Variants in RABL6 observed in about 807,000 individuals in gnomAD.
RABL6 encodes the protein RAB, member RAS oncogene family like 6.
In RABL6, 28 loss-of-function variants were observed where a neutral mutation model predicts 72.9. That is an observed-to-expected ratio of 0.38 (90% CI 0.28 to 0.53). RABL6 has a LOEUF of 0.53. Among genes scored for constraint, RABL6 ranks in the 20% least tolerant of loss-of-function variants. The pLI is 0.80. For missense variants in RABL6, 1,029 were observed against 1,008.4 expected, an observed-to-expected ratio of 1.02 and a Z score of -0.28; for synonymous variants, 477 against 421.2, an observed-to-expected ratio of 1.13 and a Z score of -1.62.
At chr9:136,840,018 G>A in intron 13 of RABL6, 136 bp from the exon 14 acceptor site, 3 of 1,477,598 alleles carry the variant, frequency 2.0e-6, no homozygotes, top group South Asian at 2.3e-5. Context: ...GATGTTTGCA[G>A]TGTGGTCCTG....
chr9:136,824,661 CAAA>C (rs560659208), intron 2 of RABL6, among the ~76,000 whole-genome samples: 1 of 137,716 alleles, frequency 7.3e-6, no homozygotes, highest in African/African-American at 2.7e-5. Flanking sequence ...CTTTTCACTG[CAAA>C]AAAAAAAAAA....
At chr9:136,820,640 G>C (rs1848217591) in intron 1 of RABL6, among the ~76,000 whole-genome samples, 1 of 152,070 alleles carries the variant, frequency 6.6e-6, no homozygotes, top group South Asian at 2.1e-4. Context: ...CAAAGTGCTG[G>C]GATTAGAGGC....
Position 136,840,166 on chromosome 9 carries a change from A to C in RABL6, c.1943A>C (p.Lys648Thr). 6.2e-7 allele frequency: 1 copy of C among 1,612,940 alleles called. No individual in the cohort carries two copies. Among genetic ancestry groups the C allele is most frequent in the African/African-American group, 1.3e-5 (1 of 75,002 alleles). ...KESSEEGKEG[K>T]TPSKEKKKKK... ...CCTGTCTGTGCAGGTAAGGAGGGCA[A>C]AACCCCCTCTAAGGAGAAGAAGAAG... Residue 648 changes from lysine (K) to threonine (T), a missense_variant, in exon 14 of 15, where the codon AAA (lysine) becomes ACA (threonine). Coordinates refer to ENST00000311502, the MANE Select transcript of RABL6 (RefSeq NM_024718.5).
At chr9:136,817,241 G>A (rs1848138209) in intron 1 of RABL6, among the ~76,000 whole-genome samples, 1 of 152,166 alleles carries the variant, frequency 6.6e-6, no homozygotes, top group African/African-American at 2.4e-5. Flanking sequence ...GCCAGCCCAT[G>A]TCCAGTACAA....
chr9:136,829,373 C>T lies in RABL6; in HGVS notation c.367-20C>T, dbSNP rs756372491. 5.2e-6 allele frequency: 8 copies of T among 1,552,330 alleles called. No homozygotes were observed. In the South Asian group the frequency reaches 8.3e-5, roughly 16 times the overall value. ...GGCCCAGCCTGGGCCAGTCTCACAC[C>T]TGTTCCCTCCTGTCCCCAGGCGGAG... On this transcript the variant is annotated intron_variant, in intron 4 of 14. Coordinates refer to ENST00000311502, the MANE Select transcript of RABL6 (RefSeq NM_024718.5).
intron 7 of RABL6, chr9:136,833,478 C>A (rs568209364): frequency 3.5e-5 from 19 of 541,514 alleles, no homozygotes; most frequent in African/African-American, 2.9e-4. Context: ...TCGCCCTGGG[C>A]TGCCCCGCCT....
At chr9:136,834,488 C>T in intron 7 of RABL6, 1 of 975,570 alleles carries the variant, frequency 1.0e-6, no homozygotes, top group Non-Finnish European at 1.2e-6. Flanking sequence ...CTTTAATACA[C>T]TCTTTTTTTT....
chr9:136,823,018 G>A (rs1334905481), intron 1 of RABL6, among the ~76,000 whole-genome samples: 3 of 151,958 alleles, frequency 2.0e-5, no homozygotes, highest in Non-Finnish European at 2.9e-5. Context: ...AACCCGGGAG[G>A]TGGAGCTTGC....
Position 136,838,924 on chromosome 9 carries a change from G to C in RABL6, c.1296G>C (p.Leu432=), listed in dbSNP as rs747737342. The C allele has an allele frequency of 6.3e-7, 1 of 1,598,974 alleles. No homozygotes were observed. Among genetic ancestry groups the C allele is most frequent in the South Asian group, 1.1e-5 (1 of 89,410 alleles). ...TGCTTTGCAGTGATGGGGAGGCCCT[G>C]GGCGGCAACCCGATGGTGGCAGGGT... is the stretch of plus-strand genomic sequence containing the variant. The part of the protein sequence containing the change: ...QQDSDSDGEA[L]GGNPMVAGFQ... The change falls in exon 11 of 15, where the codon CTG becomes CTC. Residue 432 remains leucine, a synonymous_variant. Transcript: ENST00000311502.
chr9:136,839,003 G>T lies in RABL6; in HGVS notation c.1375G>T (p.Ala459Ser), dbSNP rs1848635176. ...DQPRGSPPLP[A>S]GPVPSQDITL... ...GCCACGTGGGAGTCCCCCGCTGCCT[G>T]CAGGCCCCGTCCCCAGTCAAGACAT... Residue 459 changes from alanine to serine, a missense_variant, in exon 11 of 15, where the codon GCA becomes TCA. Physicochemically the swap from Ala to Ser is moderately conservative, Grantham distance 99 (BLOSUM62 1). Around this residue, in one of 2 missense-constraint regions of RABL6, gnomAD observed 595 missense variants for 472.4 expected, o/e 1.26. Coordinates refer to ENST00000311502, the MANE Select transcript of RABL6 (RefSeq NM_024718.5). 1 of 1,612,120 alleles carries T rather than the reference G, an allele frequency of 6.2e-7. No individual in the cohort carries two copies. The highest frequency in any genetic ancestry group is 1.1e-5 in the South Asian group (1 of 91,026).
At chr9:136,837,757 G>A in intron 9 of RABL6, 95 bp downstream of exon 9, 6 of 1,543,434 alleles carry the variant, frequency 3.9e-6, no homozygotes, top group Non-Finnish European at 5.3e-6. Flanking sequence ...GCTTCTTCCT[G>A]CTTGTCCCAG....
rs770132922 is a variant in RABL6, at chr9:136,828,557, G to A, written c.366+11G>A. 1.2e-6 allele frequency: 2 copies of A among 1,612,992 alleles called. No homozygotes were observed. The highest frequency in any genetic ancestry group is 3.3e-5 in the Admixed American group (2 of 60,006). On this transcript the variant is annotated intron_variant, in intron 4 of 14. Coordinates refer to ENST00000311502, the MANE Select transcript of RABL6 (RefSeq NM_024718.5). ...AACGACCCCCAGGAGGTGAGTGCCA[G>A]GTACACAGTGGGTAGCAGTGGCTCA...
At chr9:136,819,324 GAAAA>G (rs57726746) in intron 1 of RABL6, among the ~76,000 whole-genome samples, 2 of 58,936 alleles carry the variant, frequency 3.4e-5, no homozygotes, top group East Asian at 3.8e-4. Flanking sequence ...TCCGTCTCAA[GAAAA>G]AAAAAAAAAA....
chr9:136,812,795 G>C (rs1347220916), intron 1 of RABL6: 2 of 367,674 alleles, frequency 5.4e-6, no homozygotes, highest in African/African-American at 2.1e-5. Context: ...TTCAAACTTT[G>C]TCTTCTTTCC....
At chr9:136,810,822 T>C (rs1036174393) in intron 1 of RABL6, among the ~76,000 whole-genome samples, 3 of 152,216 alleles carry the variant, frequency 2.0e-5, no homozygotes, top group African/African-American at 7.2e-5. Context: ...ATTACAGGCG[T>C]AAGCCACCAT....
At chr9:136,808,420 T>A in intron 1 of RABL6, 94 bp downstream of exon 1, 1 of 1,257,090 alleles carries the variant, frequency 8.0e-7, no homozygotes, top group Non-Finnish European at 1.0e-6. Flanking sequence ...CGGTCTCACC[T>A]GCTTGCCGGT....
intron 6 of RABL6, 36 bp downstream of exon 6, chr9:136,831,897 C>A: frequency 6.3e-7 from 1 of 1,577,488 alleles, no homozygotes; most frequent in South Asian, 1.1e-5. Flanking sequence ...GGGACCCTGC[C>A]CGGTGCTCCG....
intron 1 of RABL6, among the ~76,000 whole-genome samples, chr9:136,822,974 G>C (rs1045949878): frequency 4.6e-5 from 7 of 151,974 alleles, no homozygotes; most frequent in Admixed American, 6.6e-5. Context: ...TGTAGTCCCA[G>C]CTACTCGGGA....
In RABL6 at chr9:136,808,142, C is replaced by T; in HGVS notation, c.-55C>T. The T allele has an allele frequency of 1.4e-6, 2 of 1,457,114 alleles. No homozygotes were observed. The highest frequency in any genetic ancestry group is 2.4e-5 in the Admixed American group (1 of 41,080). 90.3% of individuals were successfully genotyped at this position (1,457,114 alleles called of 1,614,324 possible). On this transcript the variant is annotated 5_prime_UTR_variant, in exon 1 of 15. Transcript: ENST00000311502. Reference sequence around the variant, plus strand: ...GACATGGTGCCAGTCGCACCCCTTCCCCGCCGCCGCTGAGCTCGCCGGCCG... The same window carrying T: ...GACATGGTGCCAGTCGCACCCCTTCTCCGCCGCCGCTGAGCTCGCCGGCCG...
Sources: allele counts gnomAD v4.1 joint callset (sites outside exome capture counted in the v4.1 genomes callset), GRCh38; gene constraint gnomAD v4.1.1; regional missense constraint gnomAD v4.1.1; transcripts MANE v1.5; gene names NCBI Gene and HGNC (gene_info 2026-07-23, HGNC 2026-07-21).